The following HECW2 variants were observed in gnomAD, a reference collection of about 807,000 sequenced individuals.
HECW2 encodes E3 ubiquitin-protein ligase HECW2.
In HECW2, 61 loss-of-function variants were observed where a neutral mutation model predicts 175.2. The ratio of observed to expected loss-of-function variants is 0.35; its 90% CI spans 0.28 to 0.43. HECW2 has a LOEUF of 0.43. HECW2 is among the 20% of genes least tolerant of loss of function. The pLI is 1.00. For synonymous variants in HECW2, 671 were observed against 731.0 expected, an observed-to-expected ratio of 0.92 and a Z score of 1.32; for missense variants, 1,524 against 2,000.5, an observed-to-expected ratio of 0.76 and a Z score of 4.54.
At chr2:196,541,987 G>C (rs1420706188) in intron 1 of HECW2, among the ~76,000 whole-genome samples, 1 of 152,130 alleles carries the variant, frequency 6.6e-6, no homozygotes, top group African/African-American at 2.4e-5. Flanking sequence ...AAAGGTGCCA[G>C]GCACGGTGGC....
In HECW2 at chr2:196,196,964, G is replaced by C. The variant is rs1178769711; in HGVS notation, c.*4313C>G. 1.3e-5 allele frequency: 2 copies of C among 151,194 alleles called. No individual in the cohort carries two copies. The highest frequency in any genetic ancestry group is 4.9e-5 in the African/African-American group (2 of 40,948). The allele number at this position is 151,194 out of a possible 1,614,324, so 9.4% of individuals were successfully genotyped here. Reference sequence around the variant, plus strand: ...CCAGGTGTGGTGGTATGCGCCTGTAGTCCCAGTTACTCAGGAGGCTGAGGT... The same window carrying C: ...CCAGGTGTGGTGGTATGCGCCTGTACTCCCAGTTACTCAGGAGGCTGAGGT... On this transcript the variant is annotated 3_prime_UTR_variant, in exon 29 of 29. Coordinates refer to ENST00000644978, the MANE Select transcript of HECW2 (RefSeq NM_001348768.2).
intron 3 of HECW2, among the ~76,000 whole-genome samples, chr2:196,335,854 A>C (rs1531116): frequency 0.98 from 149,059 of 152,298 alleles, 73,015 homozygotes; most frequent in Middle Eastern, 1. Flanking sequence ...ATGTGCCAGA[A>C]AGTGCAAGGG....
At chr2:196,294,171 A>C (rs1690716773) in intron 13 of HECW2, among the ~76,000 whole-genome samples, 1 of 142,362 alleles carries the variant, frequency 7.0e-6, no homozygotes, top group African/African-American at 3.1e-5. Flanking sequence ...TGATATTTAA[A>C]GAAGATTCCA....
intron 14 of HECW2, among the ~76,000 whole-genome samples, chr2:196,279,987 T>C (rs1259238457): frequency 2.0e-5 from 3 of 152,242 alleles, no homozygotes; most frequent in Non-Finnish European, 4.4e-5. Context: ...TTTTTTGGTC[T>C]GTTTGTTTAA....
At chr2:196,440,522 A>T (rs527600926) in intron 1 of HECW2, among the ~76,000 whole-genome samples, 1 of 152,298 alleles carries the variant, frequency 6.6e-6, no homozygotes, top group South Asian at 2.1e-4. Flanking sequence ...TTTATACCTA[A>T]AATTTGAGTT....
chr2:196,572,535 G>T (rs1690423463), intron 1 of HECW2, among the ~76,000 whole-genome samples: 1 of 152,128 alleles, frequency 6.6e-6, no homozygotes, highest in South Asian at 2.1e-4. Context: ...ATAACAGTGT[G>T]AATGTACTTA....
Position 196,320,373 on chromosome 2 carries a change from C to A in HECW2, c.951G>T (p.Gln317His), listed in dbSNP as rs1324148127. The change falls in exon 8 of 29, where the codon CAG becomes CAT. Residue 317 changes from glutamine (Q) to histidine (H), a missense_variant. Gln to His is a conservative substitution (Grantham distance 24). Around this residue, in one of 11 missense-constraint regions of HECW2, gnomAD observed 604 missense variants for 588.3 expected, o/e 1.03. Coordinates refer to ENST00000644978, the MANE Select transcript of HECW2 (RefSeq NM_001348768.2). ...CAGAAGACGTAACCTCCACTTTAAA[C>A]TGGAGGTACCCACTCACGTGGTCAG... Reference protein sequence around the residue: ...LPADHVSGYLQFKVEVTSSVH... With the variant: ...LPADHVSGYLHFKVEVTSSVH... 1.9e-6 allele frequency: 3 copies of A among 1,611,052 alleles called. No individual in the cohort carries two copies. In the African/African-American group the frequency reaches 4.0e-5, roughly 22 times the overall value.
At chr2:196,344,684 G>A (rs1692887559) in intron 2 of HECW2, among the ~76,000 whole-genome samples, 1 of 152,142 alleles carries the variant, frequency 6.6e-6, no homozygotes, top group Non-Finnish European at 1.5e-5. Context: ...AGTTTTATAG[G>A]CACATTAAAA....
chr2:196,234,085 G>T (rs1688153171), intron 21 of HECW2, among the ~76,000 whole-genome samples: 1 of 152,156 alleles, frequency 6.6e-6, no homozygotes, highest in African/African-American at 2.4e-5. Flanking sequence ...ATGTCATATT[G>T]ATGGCACCTC....
intron 2 of HECW2, among the ~76,000 whole-genome samples, chr2:196,354,291 G>C (rs1019856548): frequency 6.6e-6 from 1 of 152,184 alleles, no homozygotes; most frequent in Non-Finnish European, 1.5e-5. Context: ...GGGCACCACC[G>C]CATTCCCATC....
chr2:196,349,234 T>C (rs1267153238), intron 2 of HECW2, among the ~76,000 whole-genome samples: 1 of 152,238 alleles, frequency 6.6e-6, no homozygotes, highest in Non-Finnish European at 1.5e-5. Context: ...TTTCCCATCC[T>C]CATTCCTATT....
chr2:196,365,547 ACT>A (rs1457009952), intron 2 of HECW2, among the ~76,000 whole-genome samples: 3 of 151,998 alleles, frequency 2.0e-5, no homozygotes, highest in East Asian at 3.9e-4. Context: ...TCCCGTTGTC[ACT>A]CTGTTTTCAG....
At chr2:196,428,539 C>G (rs897307144) in intron 2 of HECW2, among the ~76,000 whole-genome samples, 1 of 152,096 alleles carries the variant, frequency 6.6e-6, no homozygotes, top group African/African-American at 2.4e-5. Flanking sequence ...TTAATAGTAT[C>G]CAAAAAATTG....
intron 17 of HECW2, chr2:196,263,707 T>A (rs1375975135): frequency 6.6e-6 from 1 of 152,236 alleles, no homozygotes; most frequent in Non-Finnish European, 1.5e-5. Flanking sequence ...CATACGATTC[T>A]TATGGACCCA....
At chr2:196,449,120 T>C (rs760532716) in intron 1 of HECW2, among the ~76,000 whole-genome samples, 1 of 152,134 alleles carries the variant, frequency 6.6e-6, no homozygotes, top group Non-Finnish European at 1.5e-5. Context: ...CCTAAAGATA[T>C]GGGGAAAAAG....
intron 13 of HECW2, among the ~76,000 whole-genome samples, chr2:196,301,081 T>G (rs1220614852): frequency 6.6e-6 from 1 of 152,152 alleles, no homozygotes; most frequent in African/African-American, 2.4e-5. Flanking sequence ...CCAGTGTCCA[T>G]GGGTTCTCAT....
At chr2:196,207,869 G>T (rs190011052) in intron 28 of HECW2, among the ~76,000 whole-genome samples, 12 of 152,334 alleles carry the variant, frequency 7.9e-5, no homozygotes, top group Admixed American at 6.5e-4. Context: ...CCATAGGGGG[G>T]AATTCCTGTA....
intron 15 of HECW2, among the ~76,000 whole-genome samples, chr2:196,278,133 A>ATATATATATATATATACATATATATAT (rs1553489735): frequency 1.5e-5 from 1 of 66,552 alleles, no homozygotes; most frequent in Non-Finnish European, 3.3e-5. Flanking sequence ...ATAATTAAAA[A>ATATATATATATATATACATATATATAT]ATATATATAT....
At chr2:196,569,986 C>T (rs2125512303) in intron 1 of HECW2, among the ~76,000 whole-genome samples, 1 of 152,302 alleles carries the variant, frequency 6.6e-6, no homozygotes, top group Admixed American at 6.5e-5. Flanking sequence ...ATGATCACAC[C>T]TGTGAATAGC....
Sources: gnomAD v4.1 joint callset for allele counts (sites outside exome capture counted in the v4.1 genomes callset) on GRCh38, gnomAD v4.1.1 for gene constraint, gnomAD v4.1.1 regional missense constraint, MANE v1.5 for transcripts, NCBI Gene and HGNC (gene_info 2026-07-23, HGNC 2026-07-21) for gene names.